Variants in INPP4B observed in about 807,000 individuals in gnomAD.
INPP4B encodes inositol polyphosphate 4-phosphatase type II.
In INPP4B, 55 loss-of-function variants were observed where a neutral mutation model predicts 122.5. The observed-to-expected ratio is 0.45, with a 90% CI of 0.36 to 0.56. The LOEUF is 0.56. INPP4B is among the 20% of genes least tolerant of loss of function. The probability of loss-of-function intolerance (pLI) is 0.00; values close to 1 mark genes in which losing one functional copy is unlikely to be tolerated. For synonymous variants in INPP4B, 403 were observed against 388.7 expected, an observed-to-expected ratio of 1.04 and a Z score of -0.43; for missense variants, 1,000 against 1,097.7, an observed-to-expected ratio of 0.91 and a Z score of 1.26.
rs1736628267 is a variant in INPP4B, at chr4:142,025,105, C to T, written c.*3677G>A. ...AATAAAAAAAAAAGAATATGGCATT[C>T]ATTGTGTGCTGGTAAATGCTCAACA... On this transcript the variant is annotated 3_prime_UTR_variant, in exon 26 of 26. Coordinates refer to ENST00000262992, the MANE Select transcript of INPP4B (RefSeq NM_001101669.3). 6.6e-6 allele frequency: 1 copy of T among 152,000 alleles called. No homozygotes were observed. The highest frequency in any genetic ancestry group is 2.1e-4 in the South Asian group (1 of 4,816). 9.4% of individuals were successfully genotyped at this position (152,000 alleles called of 1,614,324 possible). A position where few individuals can be genotyped will look rare whatever the true frequency, so the allele number is the denominator to read the frequency against.
intron 7 of INPP4B, among the ~76,000 whole-genome samples, chr4:142,359,126 T>C (rs1014983429): frequency 1.3e-5 from 2 of 151,864 alleles, no homozygotes; most frequent in African/African-American, 2.4e-5. Context: ...ATATTGTCCA[T>C]TGTGACAGGA....
intron 5 of INPP4B, among the ~76,000 whole-genome samples, chr4:142,427,687 T>C (rs1808405651): frequency 6.6e-6 from 1 of 151,980 alleles, no homozygotes; most frequent in Non-Finnish European, 1.5e-5. Context: ...ATTCCCTCTT[T>C]CTCCAGCAGG....
chr4:142,472,303 G>C (rs755347518), intron 2 of INPP4B, among the ~76,000 whole-genome samples: 1 of 149,420 alleles, frequency 6.7e-6, no homozygotes, highest in African/African-American at 2.5e-5. Context: ...AGCTACAAAA[G>C]TACTGTAAAG....
At chr4:142,138,047 A>G (rs2152816393) in intron 18 of INPP4B, among the ~76,000 whole-genome samples, 1 of 152,168 alleles carries the variant, frequency 6.6e-6, no homozygotes, top group East Asian at 1.9e-4. Flanking sequence ...TATATACTCA[A>G]AGGACTATAA....
chr4:142,154,740 A>C (rs894066930), intron 17 of INPP4B, among the ~76,000 whole-genome samples: 1 of 152,170 alleles, frequency 6.6e-6, no homozygotes, highest in Admixed American at 6.5e-5. Context: ...TCAAAATAAG[A>C]AGACAAATCA....
At chr4:142,190,618 A>T (rs560790859) in intron 15 of INPP4B, among the ~76,000 whole-genome samples, 5 of 152,292 alleles carry the variant, frequency 3.3e-5, no homozygotes, top group African/African-American at 1.2e-4. Context: ...TTTTATCCAT[A>T]AAGCAATGAA....
chr4:142,751,283 CAAA>C (rs70949187), intron 1 of INPP4B, among the ~76,000 whole-genome samples: 3,843 of 104,992 alleles, frequency 0.037, 36 homozygotes, highest in Middle Eastern at 0.073. Flanking sequence ...TTAACTGTGT[CAAA>C]AAAAAAAAAA....
chr4:142,613,379 G>C (rs1412510945), intron 2 of INPP4B, among the ~76,000 whole-genome samples: 1 of 152,072 alleles, frequency 6.6e-6, no homozygotes, highest in Admixed American at 6.6e-5. Flanking sequence ...TTTTTCACAG[G>C]ATATACAATA....
At chr4:142,538,563 G>C (rs1828556715) in intron 2 of INPP4B, among the ~76,000 whole-genome samples, 1 of 151,928 alleles carries the variant, frequency 6.6e-6, no homozygotes, top group Non-Finnish European at 1.5e-5. Context: ...TATCATAAAA[G>C]GATACCTTCG....
At chr4:142,758,878 A>C (rs1171919832) in intron 1 of INPP4B, among the ~76,000 whole-genome samples, 1 of 151,440 alleles carries the variant, frequency 6.6e-6, no homozygotes, top group Non-Finnish European at 1.5e-5. Context: ...GCTTGAACCC[A>C]GATGGTGGAA....
At chr4:142,792,828 A>G (rs1350571784) in intron 1 of INPP4B, among the ~76,000 whole-genome samples, 1 of 152,092 alleles carries the variant, frequency 6.6e-6, no homozygotes, top group Non-Finnish European at 1.5e-5. Flanking sequence ...CTCTTTCAAA[A>G]TTGAAAATGA....
intron 21 of INPP4B, 81 bp downstream of exon 21, chr4:142,122,047 G>A (rs1305465983): frequency 8.2e-6 from 7 of 852,328 alleles, no homozygotes; most frequent in Admixed American, 2.5e-5. Context: ...AATCAAACCT[G>A]AATTCTCCTT....
chr4:142,757,740 C>T (rs1419508189), intron 1 of INPP4B, among the ~76,000 whole-genome samples: 1 of 152,132 alleles, frequency 6.6e-6, no homozygotes, highest in African/African-American at 2.4e-5. Flanking sequence ...TAAACATCCA[C>T]GTGCAGGGTT....
At chr4:142,156,161 A>C (rs1030749498) in intron 17 of INPP4B, among the ~76,000 whole-genome samples, 1 of 151,872 alleles carries the variant, frequency 6.6e-6, no homozygotes, top group African/African-American at 2.4e-5. Context: ...CTAAATACTA[A>C]GAATTGTTTT....
chr4:142,456,324 T>C (rs1008266774), intron 3 of INPP4B, among the ~76,000 whole-genome samples: 13 of 152,068 alleles, frequency 8.5e-5, no homozygotes, highest in African/African-American at 3.1e-4. Flanking sequence ...GATTTGTATA[T>C]GGTGAGAGAT....
chr4:142,579,996 A>AC (rs980809991), intron 2 of INPP4B, among the ~76,000 whole-genome samples: 3 of 151,172 alleles, frequency 2.0e-5, no homozygotes, highest in African/African-American at 7.3e-5. Context: ...AAATGCAGAG[A>AC]CCCCCAAGGG....
intron 2 of INPP4B, among the ~76,000 whole-genome samples, chr4:142,611,613 T>C (rs922595905): frequency 1.3e-4 from 19 of 151,092 alleles, no homozygotes; most frequent in African/African-American, 4.6e-4. Flanking sequence ...ATTTTCCTTC[T>C]GGAAGTTCTG....
chr4:142,160,625 A>C (rs1284234194), intron 16 of INPP4B, 64 bp from the exon 17 acceptor site: 1 of 1,236,468 alleles, frequency 8.1e-7, no homozygotes, highest in Non-Finnish European at 1.1e-6. Context: ...AGCTGTGAAA[A>C]GGTCAATTGC....
chr4:142,399,657 A>C (rs1043202692), intron 7 of INPP4B, among the ~76,000 whole-genome samples: 10 of 152,198 alleles, frequency 6.6e-5, no homozygotes, highest in African/African-American at 2.4e-4. Flanking sequence ...TACATCCAGA[A>C]GATATCAACT....
Sources: gnomAD v4.1 joint callset for allele counts (sites outside exome capture counted in the v4.1 genomes callset) on GRCh38, gnomAD v4.1.1 for gene constraint, MANE v1.5 for transcripts, NCBI Gene and HGNC (gene_info 2026-07-23, HGNC 2026-07-21) for gene names.